AHNAK2: variants seen among roughly 807,000 people sequenced by gnomAD.
The protein encoded by AHNAK2 is AHNAK nucleoprotein 2.
In AHNAK2, 18 loss-of-function variants were observed where a neutral mutation model predicts 30.7. The observed-to-expected ratio is 0.59, with a 90% CI of 0.41 to 0.87. The LOEUF (loss-of-function observed/expected upper bound fraction) is 0.87. Ranked by LOEUF, AHNAK2 falls within the 40% of genes least tolerant of loss-of-function variation. AHNAK2 has a pLI of 0.00. For missense variants in AHNAK2, 8,604 were observed against 7,373.0 expected (o/e 1.17, Z -6.11); for synonymous variants, 3,590 against 3,073.8 (o/e 1.17, Z -5.56).
At position 104,946,739 on chromosome 14, in the gene AHNAK2, G is replaced by A. The variant is rs370995302; in HGVS notation, c.8712C>T (p.Phe2904=). 1.0e-4 allele frequency: 161 copies of A among 1,612,520 alleles called. No homozygotes were observed. The highest frequency in any genetic ancestry group is 1.3e-4 in the Non-Finnish European group (157 of 1,179,532). The change falls in exon 7 of 7, where the codon TTC becomes TTT. Residue 2904 remains phenylalanine, a synonymous_variant. Transcript: ENST00000333244. The stretch of plus-strand genomic sequence containing the variant: ...CCTTGAGATCCACTTTGGGCATCTT[G>A]AAACTGGGCATCTGCACCTTGGGCA... ...GHLPKVQMPS[F]KMPKVDLKGP...
rs1191861611 is a variant in AHNAK2, at chr14:104,941,334, A to G, written c.14117T>C (p.Val4706Ala). 1.3e-5 allele frequency: 21 copies of G among 1,613,486 alleles called. No homozygotes were observed. The highest frequency in any genetic ancestry group is 1.8e-5 in the Non-Finnish European group (21 of 1,179,896). The change falls in exon 7 of 7, where the codon GTG becomes GCG. Residue 4706 changes from valine (V) to alanine (A), a missense_variant. Coordinates refer to ENST00000333244, the MANE Select transcript of AHNAK2 (RefSeq NM_138420.4). ...GGTAGAAGAAAATGAAACTTTGGGC[A>G]CTTTAAAATGCAGTTTCTTAAACTT... The part of the protein sequence containing the change: ...DSKFKKLHFK[V>A]PKVSFSSTKT...
At position 104,946,804 on chromosome 14, in the gene AHNAK2, C is replaced by T. The variant is rs371476596; in HGVS notation, c.8647G>A (p.Glu2883Lys). 39 of 1,612,680 alleles carry T rather than the reference C, an allele frequency of 2.4e-5. No individual in the cohort carries two copies. The highest frequency in any genetic ancestry group is 3.0e-5 in the Non-Finnish European group (35 of 1,179,632). The change falls in exon 7 of 7, where the codon GAG (glutamate) becomes AAG (lysine). Residue 2883 changes from glutamate (E) to lysine (K), a missense_variant. Transcript: ENST00000333244. ...QAGQVDVKLP[E>K]GHVPEGAGLK... ...CCGGCTCCCTCGGGAACGTGGCCCTCTGGGAGTTTCACGTCCACCTGGCCA... is the reference window on the plus strand; with the variant it reads ...CCGGCTCCCTCGGGAACGTGGCCCTTTGGGAGTTTCACGTCCACCTGGCCA...
rs776638093 is a variant in AHNAK2 at position 104,951,176 on chromosome 14, G to A, written c.4275C>T (p.Asp1425=). The stretch of plus-strand genomic sequence containing the variant: ...TGATGTCTATTTCAGGGCCCTTGAG[G>A]TCCACTTTGGGCACCTTGAAACTGG... The part of the protein sequence containing the change: ...QMPSFKVPKV[D]LKGPEIDIKG... Residue 1425 remains aspartate, a synonymous_variant, in exon 7 of 7, where the codon GAC becomes GAT. Coordinates refer to ENST00000333244, the MANE Select transcript of AHNAK2 (RefSeq NM_138420.4). The A allele has an allele frequency of 3.0e-5, 32 of 1,072,130 alleles. 10 individuals are homozygous for A. In the Admixed American group the frequency reaches 6.3e-4, roughly 21 times the overall value. 66.4% of individuals were successfully genotyped at this position (1,072,130 alleles called of 1,614,324 possible). A position where few individuals can be genotyped will look rare whatever the true frequency, so the allele number is the denominator to read the frequency against.
At position 104,941,299 on chromosome 14, in the gene AHNAK2, T is replaced by C. The variant is rs1897976573; in HGVS notation, c.14152A>G (p.Lys4718Glu). ...TTTGCACCTGGGACTAAACTATCTT[T>C]AGGAGTTTTGGTAGAAGAAAATGAA... ...KVSFSSTKTPKDSLVPGAKSS... is the reference protein window; with the variant it reads ...KVSFSSTKTPEDSLVPGAKSS... Residue 4718 changes from lysine (K) to glutamate (E), a missense_variant, in exon 7 of 7, where the codon AAA (lysine) becomes GAA (glutamate). Lys to Glu is a moderately conservative substitution (Grantham distance 56). Transcript: ENST00000333244. 3 of 1,613,564 alleles carry C rather than the reference T, an allele frequency of 1.9e-6. No homozygotes were observed. The East Asian group carries it at 6.7e-5, about 36-fold the overall frequency.
intron 1 of AHNAK2, among the ~76,000 whole-genome samples, chr14:104,963,793 G>A (rs972645286): frequency 1.4e-5 from 2 of 147,066 alleles, no homozygotes; most frequent in Non-Finnish European, 3.0e-5. Flanking sequence ...TTGCGCCACT[G>A]CACTCCAGCC....
At chr14:104,967,011 G>T (rs1274272079) in intron 1 of AHNAK2, among the ~76,000 whole-genome samples, 1 of 152,200 alleles carries the variant, frequency 6.6e-6, no homozygotes, top group Non-Finnish European at 1.5e-5. Context: ...ACCTAGCAGG[G>T]CTGGGGGCAG....
Position 104,945,230 on chromosome 14 carries a change from C to T in AHNAK2, c.10221G>A (p.Lys3407=), listed in dbSNP as rs1325388524. ...PSFKMPKVDL[K]SPQVDIKGPK... ...GGCCCTTGATGTCCACCTGGGGGCT[C>T]TTGAGGTCCACTTTGGGCATCTTGA... Residue 3407 remains lysine (K), a synonymous_variant, in exon 7 of 7, where the codon AAG becomes AAA. Coordinates refer to ENST00000333244, the MANE Select transcript of AHNAK2 (RefSeq NM_138420.4). 6.2e-7 allele frequency: 1 copy of T among 1,613,038 alleles called. No individual in the cohort carries two copies. The highest frequency in any genetic ancestry group is 2.2e-5 in the East Asian group (1 of 44,750).
At position 104,938,804 on chromosome 14, in the gene AHNAK2, T is replaced by C. The variant is rs1277572832; in HGVS notation, c.16647A>G (p.Glu5549=). ...TQHSRTQEGT[E]EAPIQATPGV... is the part of the protein sequence containing the mutation. ...CTGGGGTGGCTTGTATGGGAGCCTC[T>C]TCTGTGCCCTCCTGAGTCCTAGAGT... is the stretch of plus-strand genomic sequence containing the variant. The change falls in exon 7 of 7, where the codon GAA becomes GAG. Residue 5549 remains glutamate, a synonymous_variant. Transcript: ENST00000333244. 6.2e-7 allele frequency: 1 copy of C among 1,613,968 alleles called. No individual in the cohort carries two copies. The highest frequency in any genetic ancestry group is 1.1e-5 in the South Asian group (1 of 91,084).
In AHNAK2 at chr14:104,951,029, C is replaced by T. The variant is rs114766715; in HGVS notation, c.4422G>A (p.Arg1474=). 1,544 of 1,063,698 alleles carry T rather than the reference C, an allele frequency of 1.5e-3. 291 individuals carry two copies. In the African/African-American group the frequency reaches 0.02, roughly 14 times the overall value. 65.9% of individuals were successfully genotyped at this position (1,063,698 alleles called of 1,614,324 possible). ...EAPGAKLDGG[R]LEEDMSLADK... ...CGGCCAGGGACATGTCCTCCTCCAG[C>T]CGTCCACCATCCAGCTTGGCTCCTG... The change falls in exon 7 of 7, where the codon CGG becomes CGA. Residue 1474 remains arginine, a synonymous_variant. Transcript: ENST00000333244.
In AHNAK2 at chr14:104,941,528, C is replaced by T. The variant is rs375255542; in HGVS notation, c.13923G>A (p.Ser4641=). The T allele has an allele frequency of 3.0e-5, 48 of 1,613,004 alleles. No homozygotes were observed. Among genetic ancestry groups the T allele is most frequent in the African/African-American group, 2.7e-4 (20 of 75,040 alleles). ...PKLSTSGFEW[S]SKKVSMSSSE... Reference sequence around the variant, plus strand: ...AGGAAGACATGGAAACTTTCTTTGACGACCATTCAAAACCAGACGTGCTCA... The same window carrying T: ...AGGAAGACATGGAAACTTTCTTTGATGACCATTCAAAACCAGACGTGCTCA... Residue 4641 remains serine, a synonymous_variant, in exon 7 of 7, where the codon TCG becomes TCA. Transcript: ENST00000333244.
chr14:104,976,216 C>T (rs868303344), intron 1 of AHNAK2, among the ~76,000 whole-genome samples: 4 of 152,168 alleles, frequency 2.6e-5, no homozygotes, highest in Non-Finnish European at 5.9e-5. Flanking sequence ...CACCCAGAGC[C>T]CACTGGGAGT....
intron 1 of AHNAK2, among the ~76,000 whole-genome samples, chr14:104,958,863 G>A (rs1899054005): frequency 6.6e-6 from 1 of 152,166 alleles, no homozygotes; most frequent in African/African-American, 2.4e-5. Flanking sequence ...AAACGTCACA[G>A]TCAAAATGCT....
rs140082598 is a variant in AHNAK2 at position 104,951,966 on chromosome 14, C to G, written c.3485G>C (p.Arg1162Thr). ...ADKDVTAKDS[R>T]FKMPKFKMPS... Reference sequence around the variant, plus strand: ...CATCTTGAACTTGGGCATTTTGAACCTGCTGTCTTTGGCAGTCACATCCTT... The same window carrying G: ...CATCTTGAACTTGGGCATTTTGAACGTGCTGTCTTTGGCAGTCACATCCTT... The change falls in exon 7 of 7, where the codon AGG (arginine) becomes ACG (threonine). Residue 1162 changes from arginine to threonine, a missense_variant. Physicochemically the swap from Arg to Thr is moderately conservative, Grantham distance 71 (BLOSUM62 -1). Coordinates refer to ENST00000333244, the MANE Select transcript of AHNAK2 (RefSeq NM_138420.4). The G allele has an allele frequency of 8.1e-6, 13 of 1,606,190 alleles. No homozygotes were observed. The South Asian group carries it at 1.3e-4, about 16-fold the overall frequency.
chr14:104,941,237 A>G lies in AHNAK2; in HGVS notation c.14214T>C (p.Ser4738=). Residue 4738 remains serine (S), a synonymous_variant, in exon 7 of 7, where the codon TCT becomes TCC. Transcript: ENST00000333244. ...SIGLSTIPLS[S]SECSSFELQQ... ...GTAATTCAAAACTTGAGCATTCTGA[A>G]GATGATAAAGGAATCGTGGAAAGAC... 2 of 1,613,668 alleles carry G rather than the reference A, an allele frequency of 1.2e-6. No individual in the cohort carries two copies. Among genetic ancestry groups the G allele is most frequent in the Admixed American group, 3.3e-5 (2 of 60,022 alleles).
At chr14:104,959,992 A>T (rs1024210359) in intron 1 of AHNAK2, among the ~76,000 whole-genome samples, 5 of 152,266 alleles carry the variant, frequency 3.3e-5, no homozygotes, top group African/African-American at 1.2e-4. Context: ...TCTCTGTTGC[A>T]ACTCTGCAGC....
intron 1 of AHNAK2, among the ~76,000 whole-genome samples, chr14:104,967,990 C>CTGTCTAA (rs1242351319): frequency 1.3e-5 from 2 of 152,242 alleles, no homozygotes; most frequent in Admixed American, 1.3e-4. Flanking sequence ...CTGCAAGTGG[C>CTGTCTAA]CCCATCACCT....
chr14:104,947,078 A>T lies in AHNAK2; in HGVS notation c.8373T>A (p.Asp2791Glu). 1 of 1,611,692 alleles carries T rather than the reference A, an allele frequency of 6.2e-7. No homozygotes were observed. The highest frequency in any genetic ancestry group is 1.4e-5 in the African/African-American group (1 of 73,950). ...ACAGGTCCCCCTCCAGCCGCGCACC[A>T]TCCAGCTTTGCTCTCGGGGCCTGGA... ...VDVQAPRAKL[D>E]GARLEGDLSL... is the part of the protein sequence containing the mutation. The change falls in exon 7 of 7, where the codon GAT (aspartate) becomes GAA (glutamate). Residue 2791 changes from aspartate to glutamate, a missense_variant. Transcript: ENST00000333244.
rs536692150 is a variant in AHNAK2 at position 104,973,112 on chromosome 14, A to G, written c.55+5071T>C. On this transcript the variant is annotated intron_variant, in intron 1 of 6. Coordinates refer to ENST00000333244, the MANE Select transcript of AHNAK2 (RefSeq NM_138420.4). ...CCCCTGGCACCACGTGGTGGGACTC[A>G]GTGGTCAGGCAGGTGTCTGATCAGC... is the stretch of plus-strand genomic sequence containing the variant. 1.2e-3 allele frequency among the ~76,000 whole-genome samples: 176 copies of G among 152,346 alleles called. 1 individual carries two copies. The highest frequency in any genetic ancestry group is 2.1e-3 in the Non-Finnish European group (140 of 68,018).
At chr14:104,978,151 G>T in intron 1 of AHNAK2, 32 bp downstream of exon 1, 1 of 1,208,200 alleles carries the variant, frequency 8.3e-7, no homozygotes, top group Non-Finnish European at 1.0e-6. Context: ...ACCCGCCCCA[G>T]GGGAGCGGGC....
Sources: allele counts gnomAD v4.1 joint callset (sites outside exome capture counted in the v4.1 genomes callset), GRCh38; gene constraint gnomAD v4.1.1; transcripts MANE v1.5; gene names NCBI Gene and HGNC (gene_info 2026-07-23, HGNC 2026-07-21).